Variants in LRP1B observed in about 807,000 individuals in gnomAD.
The protein encoded by LRP1B is low-density lipoprotein receptor-related protein 1B.
LRP1B carries 217 observed loss-of-function variants against 556.6 expected under a neutral mutation model. The ratio of observed to expected loss-of-function variants is 0.39; its 90% CI spans 0.35 to 0.44. The LOEUF (loss-of-function observed/expected upper bound fraction) is 0.44, where lower values mean the gene tolerates loss of function less well. Ranked by LOEUF, LRP1B falls within the 20% of genes least tolerant of loss-of-function variation. The pLI, the probability that LRP1B is intolerant of heterozygous loss-of-function variation, is 1.00. For missense variants in LRP1B, 5,053 were observed against 5,620.8 expected (o/e 0.90, Z 3.23); for synonymous variants, 2,047 against 1,865.8 (o/e 1.10, Z -2.50).
intron 43 of LRP1B, among the ~76,000 whole-genome samples, chr2:140,579,422 A>G (rs12478905): frequency 0.11 from 16,425 of 152,156 alleles, 1,078 homozygotes; most frequent in African/African-American, 0.16. Context: ...CCAAAGTACC[A>G]GAAGACATGA....
chr2:140,502,840 T>C (rs1487860875), intron 54 of LRP1B, 123 bp downstream of exon 54: 1 of 940,344 alleles, frequency 1.1e-6, no homozygotes, highest in Non-Finnish European at 1.6e-6. Context: ...ATGGTGTCAC[T>C]AGAAACATCA....
chr2:141,049,265 A>C, intron 10 of LRP1B, 43 bp from the exon 11 acceptor site: 1 of 1,279,126 alleles, frequency 7.8e-7, no homozygotes, highest in Non-Finnish European at 1.1e-6. Context: ...GATGCTGCTT[A>C]ATCTTCTTTA....
chr2:141,094,855 A>G (rs1882628), intron 7 of LRP1B, among the ~76,000 whole-genome samples: 45,857 of 151,886 alleles, frequency 0.3, 7,298 homozygotes, highest in East Asian at 0.64. Flanking sequence ...TGAAATCGGA[A>G]ACAATTGCAA....
At chr2:141,837,318 T>A (rs1697318608) in intron 1 of LRP1B, among the ~76,000 whole-genome samples, 1 of 152,062 alleles carries the variant, frequency 6.6e-6, no homozygotes, top group African/African-American at 2.4e-5. Flanking sequence ...AAGAAGATGC[T>A]TTTTCTTTTC....
chr2:141,260,248 G>A (rs192236560), intron 3 of LRP1B, among the ~76,000 whole-genome samples: 4 of 152,142 alleles, frequency 2.6e-5, no homozygotes, highest in Admixed American at 1.3e-4. Context: ...TATCACCCTC[G>A]GAAGCAATGT....
At chr2:141,662,118 G>C (rs1345352404) in intron 2 of LRP1B, among the ~76,000 whole-genome samples, 2 of 152,130 alleles carry the variant, frequency 1.3e-5, no homozygotes, top group African/African-American at 4.8e-5. Flanking sequence ...ATACTTTTCA[G>C]ACAAGCAAAT....
At chr2:142,069,813 A>C (rs974436609) in intron 1 of LRP1B, among the ~76,000 whole-genome samples, 2 of 148,258 alleles carry the variant, frequency 1.3e-5, no homozygotes, top group Non-Finnish European at 3.0e-5. Flanking sequence ...AAATTTATAT[A>C]TTTTAAAAGA....
intron 68 of LRP1B, among the ~76,000 whole-genome samples, chr2:140,375,622 G>T (rs564687904): frequency 6.6e-6 from 1 of 151,916 alleles, no homozygotes; most frequent in East Asian, 1.9e-4. Flanking sequence ...CTGAAATTTT[G>T]ATTCTAATGA....
intron 23 of LRP1B, among the ~76,000 whole-genome samples, chr2:140,890,595 A>G (rs1693770258): frequency 6.6e-6 from 1 of 152,088 alleles, no homozygotes; most frequent in Non-Finnish European, 1.5e-5. Context: ...AAAATAAACT[A>G]GTTTACCAAA....
intron 3 of LRP1B, among the ~76,000 whole-genome samples, chr2:141,419,571 C>T (rs193132697): frequency 2.4e-3 from 365 of 152,190 alleles, no homozygotes; most frequent in African/African-American, 7.9e-3. Context: ...TGCATAATTG[C>T]TCATAGTCTC....
intron 7 of LRP1B, among the ~76,000 whole-genome samples, chr2:141,085,462 G>A (rs1194203495): frequency 6.6e-6 from 1 of 152,064 alleles, no homozygotes; most frequent in Non-Finnish European, 1.5e-5. Flanking sequence ...TGTGAGAAGA[G>A]GAAATGAGGA....
chr2:140,952,641 A>C (rs1695752362), intron 18 of LRP1B, among the ~76,000 whole-genome samples: 1 of 152,206 alleles, frequency 6.6e-6, no homozygotes, highest in Non-Finnish European at 1.5e-5. Flanking sequence ...AAAGGCATAT[A>C]ATTAGCATAG....
chr2:141,991,607 C>T lies in LRP1B; in HGVS notation c.82+139041G>A, dbSNP rs564147144. Among the ~76,000 whole-genome samples, 14 of 152,108 alleles carry T rather than the reference C, an allele frequency of 9.2e-5. 1 individual carries two copies. The South Asian group carries it at 2.9e-3, about 32-fold the overall frequency. On this transcript the variant is annotated intron_variant, in intron 1 of 90. Transcript: ENST00000389484. The stretch of plus-strand genomic sequence containing the variant: ...ATTTAAGGACACAGTGCTCAGTAGC[C>T]TGTATACATCAGCCTTAAAAATCAA...
intron 11 of LRP1B, among the ~76,000 whole-genome samples, chr2:141,028,414 G>T (rs76804379): frequency 0.01 from 1,536 of 151,890 alleles, 27 homozygotes; most frequent in African/African-American, 0.034. Flanking sequence ...GATTCAGAAA[G>T]ACTAGGAAAG....
intron 1 of LRP1B, among the ~76,000 whole-genome samples, chr2:141,875,568 C>A (rs1436618781): frequency 6.6e-6 from 1 of 151,888 alleles, no homozygotes; most frequent in African/African-American, 2.4e-5. Flanking sequence ...GCAATATTTT[C>A]ATTACATTAA....
chr2:141,974,446 C>A (rs1435655336), intron 1 of LRP1B, among the ~76,000 whole-genome samples: 2 of 151,974 alleles, frequency 1.3e-5, no homozygotes, highest in African/African-American at 4.8e-5. Context: ...ATACAGTATG[C>A]GTCACAGACC....
intron 5 of LRP1B, among the ~76,000 whole-genome samples, chr2:141,231,380 ATTT>A (rs1683458919): frequency 6.6e-6 from 1 of 152,166 alleles, no homozygotes; most frequent in African/African-American, 2.4e-5. Flanking sequence ...ATGCATTGGC[ATTT>A]TTATCCCCAT....
Position 141,246,792 on chromosome 2 carries a change from C to G in LRP1B, c.592+434G>C, listed in dbSNP as rs1684084445. ...CCAGCCTGGCCAACATGGTGAGACC[C>G]TGTCTCTACTAAAAATGCAAAAATT... On this transcript the variant is annotated intron_variant, in intron 5 of 90. Coordinates refer to ENST00000389484, the MANE Select transcript of LRP1B (RefSeq NM_018557.3). 3.3e-5 allele frequency among the ~76,000 whole-genome samples: 5 copies of G among 152,092 alleles called. No homozygotes were observed. In the South Asian group the frequency reaches 1.0e-3, roughly 31 times the overall value.
chr2:141,812,692 A>G (rs1175374268), intron 1 of LRP1B, among the ~76,000 whole-genome samples: 1 of 152,160 alleles, frequency 6.6e-6, no homozygotes, highest in African/African-American at 2.4e-5. Context: ...GAAAATACTT[A>G]AGAAAAGGTA....
Sources: allele counts gnomAD v4.1 joint callset (sites outside exome capture counted in the v4.1 genomes callset), GRCh38; gene constraint gnomAD v4.1.1; transcripts MANE v1.5; gene names NCBI Gene and HGNC (gene_info 2026-07-23, HGNC 2026-07-21).